Variants in CACNA1A observed in about 807,000 individuals in gnomAD.
CACNA1A encodes calcium voltage-gated channel subunit alpha1 A, also known as voltage-dependent P/Q-type calcium channel subunit alpha-1A.
Under a neutral mutation model 262.4 loss-of-function variants are expected in CACNA1A, and 57 were observed. That is an observed-to-expected ratio of 0.22 (90% CI 0.18 to 0.27). The LOEUF is 0.27. Ranked by LOEUF, CACNA1A falls within the 10% of genes least tolerant of loss-of-function variation. The pLI is 1.00. For missense variants in CACNA1A, 2,526 were observed against 3,562.8 expected (o/e 0.71, Z 7.41); for synonymous variants, 1,431 against 1,419.3 (o/e 1.01, Z -0.18).
intron 38 of CACNA1A, among the ~76,000 whole-genome samples, chr19:13,218,565 C>T (rs959301744): frequency 6.6e-6 from 1 of 151,950 alleles, no homozygotes; most frequent in African/African-American, 2.4e-5. Flanking sequence ...TTCCTTTGCG[C>T]ATTTTATGTT....
At chr19:13,288,308 T>C (rs1413469406) in intron 19 of CACNA1A, among the ~76,000 whole-genome samples, 1 of 151,816 alleles carries the variant, frequency 6.6e-6, no homozygotes, top group Non-Finnish European at 1.5e-5. Context: ...GGCAGGATCT[T>C]GGCTCACTGC....
rs1273480766 is a variant in CACNA1A at position 13,299,025 on chromosome 19, C to A, written c.2608G>T (p.Asp870Tyr). 1.3e-6 allele frequency: 2 copies of A among 1,591,542 alleles called. No individual in the cohort carries two copies. Residue 870 changes from aspartate (D) to tyrosine (Y), a missense_variant, in exon 19 of 47, where the codon GAC (aspartate) becomes TAC (tyrosine). This residue lies in a region of CACNA1A where 765 missense variants were observed against 748.6 expected (regional missense o/e 1.02). Coordinates refer to ENST00000360228, the MANE Select transcript of CACNA1A (RefSeq NM_001127222.2). Reference sequence around the variant, plus strand: ...TCCAGGCCCGCCGAGCCGCTGGGGTCCCGGGCCCGATCGTGGTAGCGGGCC... The same window carrying A: ...TCCAGGCCCGCCGAGCCGCTGGGGTACCGGGCCCGATCGTGGTAGCGGGCC... ...KQARYHDRARDPSGSAGLDAR... is the reference protein window; with the variant it reads ...KQARYHDRARYPSGSAGLDAR...
intron 35 of CACNA1A, 122 bp downstream of exon 35, chr19:13,231,588 G>T: frequency 9.9e-7 from 1 of 1,010,454 alleles, no homozygotes; most frequent in Non-Finnish European, 1.4e-6. Context: ...TCCCAGGCTG[G>T]TTCAGAGAAG....
chr19:13,261,432 T>G lies in CACNA1A; in HGVS notation c.4250+18A>C. ...CCTGCTGGTTCCAATGGGAATGTGC[T>G]GGAAAGTGGAGACCCACCGACAATC... On this transcript the variant is annotated intron_variant, in intron 26 of 46. Transcript: ENST00000360228. 1 of 1,556,532 alleles carries G rather than the reference T, an allele frequency of 6.4e-7. No homozygotes were observed. Among genetic ancestry groups the G allele is most frequent in the South Asian group, 1.2e-5 (1 of 84,042 alleles).
Position 13,286,934 on chromosome 19 carries a change from C to A in CACNA1A, c.3122G>T (p.Gly1041Val), listed in dbSNP as rs370396470. Residue 1041 changes from glycine (G) to valine (V), a missense_variant, in exon 20 of 47, where the codon GGC (glycine) becomes GTC (valine). Around this residue, in one of 17 missense-constraint regions of CACNA1A, gnomAD observed 765 missense variants for 748.6 expected, o/e 1.02. Transcript: ENST00000360228. The part of the protein sequence containing the change: ...ENQGSGVPVS[G>V]PNLSTTRPIQ... Reference sequence around the variant, plus strand: ...TGGCCGGGTGGTTGACAGGTTGGGGCCCGACACAGGGACCCCGGAGCCCTG... The same window carrying A: ...TGGCCGGGTGGTTGACAGGTTGGGGACCGACACAGGGACCCCGGAGCCCTG... 11 of 1,608,926 alleles carry A rather than the reference C, an allele frequency of 6.8e-6. No homozygotes were observed. In the African/African-American group the frequency reaches 8.0e-5, roughly 12 times the overall value.
chr19:13,219,963 A>AAAG (rs1568431476), intron 38 of CACNA1A, among the ~76,000 whole-genome samples: 4 of 147,200 alleles, frequency 2.7e-5, no homozygotes, highest in African/African-American at 7.5e-5. Context: ...AAAAAAAAAA[A>AAAG]AAAGAAAGAA....
chr19:13,311,681 CA>C (rs1253620401), intron 12 of CACNA1A, among the ~76,000 whole-genome samples: 3 of 151,852 alleles, frequency 2.0e-5, no homozygotes, highest in Admixed American at 6.6e-5. Context: ...ACTAAAAATA[CA>C]AAAAATTAGC....
At chr19:13,305,156 T>C (rs1404980066) in intron 15 of CACNA1A, among the ~76,000 whole-genome samples, 1 of 152,116 alleles carries the variant, frequency 6.6e-6, no homozygotes, top group African/African-American at 2.4e-5. Flanking sequence ...TCAAGCGAGT[T>C]TCCACTGTAG....
At chr19:13,281,564 C>A (rs975899119) in intron 22 of CACNA1A, among the ~76,000 whole-genome samples, 1 of 151,822 alleles carries the variant, frequency 6.6e-6, no homozygotes, top group African/African-American at 2.4e-5. Flanking sequence ...TGCTGAGCAA[C>A]ATCCCTGGCC....
intron 19 of CACNA1A, among the ~76,000 whole-genome samples, chr19:13,296,481 C>G (rs1340166713): frequency 6.6e-6 from 1 of 152,158 alleles, no homozygotes; most frequent in Non-Finnish European, 1.5e-5. Flanking sequence ...TACAAAATGT[C>G]GTTATGAAAA....
chr19:13,466,584 G>T (rs758629032), intron 1 of CACNA1A, among the ~76,000 whole-genome samples: 12 of 152,042 alleles, frequency 7.9e-5, no homozygotes, highest in Non-Finnish European at 1.5e-4. Context: ...CAAGTGATCT[G>T]CCCACCTCAA....
chr19:13,289,473 C>A (rs2057484626), intron 19 of CACNA1A, among the ~76,000 whole-genome samples: 1 of 152,178 alleles, frequency 6.6e-6, no homozygotes, highest in Non-Finnish European at 1.5e-5. Context: ...ACTAGCTGTG[C>A]AACCCTGTGT....
At chr19:13,261,167 T>G (rs1227542876) in intron 26 of CACNA1A, 4 of 329,246 alleles carry the variant, frequency 1.2e-5, no homozygotes, top group Admixed American at 4.6e-5. Flanking sequence ...TGTAACGATT[T>G]CAAGTAAGGA....
intron 24 of CACNA1A, among the ~76,000 whole-genome samples, chr19:13,266,687 C>T (rs1244253573): frequency 6.6e-6 from 1 of 152,224 alleles, no homozygotes; most frequent in Non-Finnish European, 1.5e-5. Flanking sequence ...GATTCTCCTG[C>T]CTCAGCTTCC....
At chr19:13,476,941 G>C (rs1231151762) in intron 1 of CACNA1A, among the ~76,000 whole-genome samples, 4 of 152,064 alleles carry the variant, frequency 2.6e-5, no homozygotes, top group African/African-American at 9.7e-5. Flanking sequence ...ATCTGAGTCA[G>C]GTCACGTCCC....
At chr19:13,397,513 G>C (rs936927138) in intron 3 of CACNA1A, among the ~76,000 whole-genome samples, 1 of 152,214 alleles carries the variant, frequency 6.6e-6, no homozygotes, top group Non-Finnish European at 1.5e-5. Context: ...TTGATTCTCA[G>C]TGAGGACCCA....
rs1491139818 is a variant in CACNA1A, at chr19:13,212,848, A to ACT, written c.5941-110_5941-109dup. The ACT allele has an allele frequency of 7.2e-4, 389 of 542,016 alleles. No individual in the cohort carries two copies. The highest frequency in any genetic ancestry group is 1.1e-3 in the Admixed American group (33 of 28,860). 33.6% of individuals were successfully genotyped at this position (542,016 alleles called of 1,614,324 possible). On this transcript the variant is annotated intron_variant, in intron 40 of 46. Transcript: ENST00000360228. This position sits in a 1 kb window ranked among gnomAD's most constrained non-coding sequence, Gnocchi z 5.6. Reference sequence around the variant, plus strand: ...AGTATACACACACACACACACACACACTCTCTCAGGTCTCATCCATCTAGA... The same window carrying ACT: ...AGTATACACACACACACACACACACACTCTCTCTCAGGTCTCATCCATCTAGA...
At chr19:13,324,381 T>C (rs2058311991) in intron 10 of CACNA1A, among the ~76,000 whole-genome samples, 1 of 152,216 alleles carries the variant, frequency 6.6e-6, no homozygotes, top group African/African-American at 2.4e-5. Context: ...TGTATTTATA[T>C]TGCATTATTA....
Position 13,332,862 on chromosome 19 carries a change from C to G in CACNA1A, c.1255+7G>C. On this transcript the variant is annotated splice_region_variant and intron_variant, in intron 9 of 46. Transcript: ENST00000360228. ...ACCCACCCCTGAGGTGGGTTTAGAG[C>G]AGTTACCATCAAAGGGATGCCTCTG... 1.9e-6 allele frequency: 3 copies of G among 1,606,502 alleles called. No homozygotes were observed. The highest frequency in any genetic ancestry group is 2.6e-6 in the Non-Finnish European group (3 of 1,173,340).
Sources: allele counts gnomAD v4.1 joint callset (sites outside exome capture counted in the v4.1 genomes callset), GRCh38; gene constraint gnomAD v4.1.1; regional missense constraint gnomAD v4.1.1; non-coding constraint Gnocchi (gnomAD v3.1); transcripts MANE v1.5; gene names NCBI Gene and HGNC (gene_info 2026-07-23, HGNC 2026-07-21).